The following AGMO variants were observed in gnomAD, a reference collection of about 807,000 sequenced individuals.
AGMO encodes the protein glyceryl-ether monooxygenase.
AGMO carries 75 observed loss-of-function variants against 60.2 expected under a neutral mutation model. The observed-to-expected ratio is 1.25, with a 90% confidence interval of 1.03 to 1.51. The LOEUF is 1.51. Among genes scored for constraint, AGMO ranks in the 40% most tolerant of loss-of-function variants. The probability of loss-of-function intolerance (pLI) is 0.00; values close to 1 mark genes in which losing one functional copy is unlikely to be tolerated. For synonymous variants in AGMO, 261 were observed against 177.1 expected (o/e 1.47, Z -3.76); for missense variants, 763 against 525.5 (o/e 1.45, Z -4.42).
At position 15,252,750 on chromosome 7, in the gene AGMO, G is replaced by A. The variant is rs140296025; in HGVS notation, c.1264-51391C>T. ...TCTTGAAATGCCTGTTAGATTTCCA[G>A]CTGGAACTGTTGCATGGACTGAGCT... On this transcript the variant is annotated intron_variant, in intron 12 of 12. Transcript: ENST00000342526. Among the ~76,000 whole-genome samples the A allele has an allele frequency of 2.2e-3, 337 of 152,290 alleles. 6 individuals are homozygous for A. Among genetic ancestry groups the A allele is most frequent in the Middle Eastern group, 3.4e-3 (1 of 294 alleles).
chr7:15,288,851 TA>T (rs201502047), intron 12 of AGMO, among the ~76,000 whole-genome samples: 7,639 of 141,616 alleles, frequency 0.054, 425 homozygotes, highest in African/African-American at 0.14. Flanking sequence ...AAATAAAAAA[TA>T]AAAAAAAAAA....
chr7:15,528,341 GT>G (rs1784180063), intron 3 of AGMO, among the ~76,000 whole-genome samples: 1 of 152,072 alleles, frequency 6.6e-6, no homozygotes, highest in Admixed American at 6.6e-5. Context: ...ATTGGTGTGA[GT>G]TTCTTGATTG....
At chr7:15,209,449 T>TA (rs1262782730) in intron 12 of AGMO, among the ~76,000 whole-genome samples, 1 of 152,226 alleles carries the variant, frequency 6.6e-6, no homozygotes, top group Non-Finnish European at 1.5e-5. Flanking sequence ...TGTCTGGTTT[T>TA]AAAAATAAGA....
intron 5 of AGMO, among the ~76,000 whole-genome samples, chr7:15,395,313 C>T (rs575402313): frequency 8.6e-5 from 13 of 152,028 alleles, no homozygotes; most frequent in African/African-American, 2.4e-4. Context: ...AAGTCAGTGT[C>T]ACGGGAAGAA....
intron 12 of AGMO, among the ~76,000 whole-genome samples, chr7:15,244,318 A>G (rs1273663891): frequency 1.3e-5 from 2 of 152,118 alleles, no homozygotes; most frequent in African/African-American, 4.8e-5. Flanking sequence ...ACCTTGATTC[A>G]TTGTTGATTG....
intron 12 of AGMO, among the ~76,000 whole-genome samples, chr7:15,236,820 T>C (rs754112356): frequency 1.2e-4 from 19 of 152,012 alleles, no homozygotes; most frequent in Non-Finnish European, 2.8e-4. Context: ...AAAGCTCACC[T>C]GATACTATGA....
At chr7:15,165,699 T>G in the AGMO span, among the ~76,000 whole-genome samples, 1 of 152,168 alleles carries the variant, frequency 6.6e-6, no homozygotes, top group African/African-American at 2.4e-5. Flanking sequence ...CTTAAATGAA[T>G]ATGACATATA....
chr7:15,236,122 C>A (rs1201809866), intron 12 of AGMO, among the ~76,000 whole-genome samples: 2 of 152,220 alleles, frequency 1.3e-5, no homozygotes, highest in Middle Eastern at 3.4e-3. Context: ...ATTCAGGTTA[C>A]ACACTGGAAA....
intron 3 of AGMO, among the ~76,000 whole-genome samples, chr7:15,455,204 ATGT>A (rs1245258389): frequency 1.3e-5 from 2 of 151,972 alleles, no homozygotes; most frequent in African/African-American, 4.8e-5. Flanking sequence ...GACTATGAAG[ATGT>A]TGTGCACTGC....
intron 10 of AGMO, among the ~76,000 whole-genome samples, chr7:15,380,981 T>C (rs539736136): frequency 8.5e-5 from 13 of 152,298 alleles, no homozygotes; most frequent in South Asian, 4.1e-4. Context: ...CCTAGCCATA[T>C]GCAGAAGATT....
intron 12 of AGMO, among the ~76,000 whole-genome samples, chr7:15,365,115 C>T (rs1782919642): frequency 6.6e-6 from 1 of 151,820 alleles, no homozygotes; most frequent in African/African-American, 2.4e-5. Flanking sequence ...AGGTAATTGA[C>T]AAGGAAACTT....
At chr7:15,264,614 G>A (rs1783376845) in intron 12 of AGMO, among the ~76,000 whole-genome samples, 1 of 151,818 alleles carries the variant, frequency 6.6e-6, no homozygotes, top group Non-Finnish European at 1.5e-5. Flanking sequence ...TTAAAAAATG[G>A]GCAAAGGACA....
intron 2 of AGMO, among the ~76,000 whole-genome samples, chr7:15,552,431 G>T (rs1784991655): frequency 6.6e-6 from 1 of 151,542 alleles, no homozygotes; most frequent in African/African-American, 2.4e-5. Flanking sequence ...TCTGACAAAG[G>T]GCTAATATCC....
intron 12 of AGMO, among the ~76,000 whole-genome samples, chr7:15,313,000 G>A (rs1052425793): frequency 1.3e-5 from 2 of 152,062 alleles, no homozygotes; most frequent in Non-Finnish European, 2.9e-5. Context: ...TTCATCAGAA[G>A]AAAAGTGATC....
intron 12 of AGMO, among the ~76,000 whole-genome samples, chr7:15,311,773 A>G (rs1296236587): frequency 6.6e-6 from 1 of 152,228 alleles, no homozygotes; most frequent in African/African-American, 2.4e-5. Context: ...GAAAATAGAA[A>G]TTGATCTGTT....
At chr7:15,260,762 T>C (rs1038551077) in intron 12 of AGMO, among the ~76,000 whole-genome samples, 9 of 151,932 alleles carry the variant, frequency 5.9e-5, no homozygotes, top group African/African-American at 2.2e-4. Flanking sequence ...TCATATGATG[T>C]ACCACAAAAC....
chr7:15,529,046 A>T (rs1173223258), intron 3 of AGMO, among the ~76,000 whole-genome samples: 1 of 152,110 alleles, frequency 6.6e-6, no homozygotes, highest in Non-Finnish European at 1.5e-5. Flanking sequence ...GACAAAAAAA[A>T]CCTTGTGGAT....
intron 5 of AGMO, among the ~76,000 whole-genome samples, chr7:15,412,058 A>G (rs1278906619): frequency 2.0e-5 from 3 of 152,128 alleles, no homozygotes; most frequent in Admixed American, 6.6e-5. Context: ...GCTGCTATAG[A>G]GTAAAATTTT....
At chr7:15,533,638 G>A (rs992746414) in intron 3 of AGMO, among the ~76,000 whole-genome samples, 1 of 152,106 alleles carries the variant, frequency 6.6e-6, no homozygotes, top group East Asian at 1.9e-4. Flanking sequence ...ACCATGGTGG[G>A]AGCCATCAGA....
Sources: allele counts gnomAD v4.1 joint callset (sites outside exome capture counted in the v4.1 genomes callset), GRCh38; gene constraint gnomAD v4.1.1; transcripts MANE v1.5; gene names NCBI Gene and HGNC (gene_info 2026-07-23, HGNC 2026-07-21).